The following JAKMIP2 variants were observed in gnomAD, a reference collection of about 807,000 sequenced individuals.
The protein encoded by JAKMIP2 is janus kinase and microtubule interacting protein 2.
In JAKMIP2, 25 loss-of-function variants were observed where a neutral mutation model predicts 115.0. That is an observed-to-expected ratio of 0.22 (90% CI 0.16 to 0.30). The LOEUF (loss-of-function observed/expected upper bound fraction) is 0.30. JAKMIP2 is among the 10% of genes least tolerant of loss of function. The pLI is 1.00. For synonymous variants in JAKMIP2, 334 were observed against 343.6 expected (o/e 0.97, Z 0.31); for missense variants, 642 against 957.6 (o/e 0.67, Z 4.35).
At chr5:147,627,470 A>G (rs1466352021) in intron 16 of JAKMIP2, among the ~76,000 whole-genome samples, 1 of 152,076 alleles carries the variant, frequency 6.6e-6, no homozygotes, top group Admixed American at 6.6e-5. Context: ...TAAGACTCAA[A>G]TCCCAGAGGG....
rs1375898938 is a variant in JAKMIP2, at chr5:147,587,380, C to A, written c.*4327G>T. The A allele has an allele frequency of 2.6e-5, 4 of 151,538 alleles. No homozygotes were observed. Among genetic ancestry groups the A allele is most frequent in the South Asian group, 2.1e-4 (1 of 4,796 alleles). 9.4% of individuals were successfully genotyped at this position (151,538 alleles called of 1,614,324 possible). ...ATTTCACAAAAGGCAACAAGCAATG[C>A]AACTCCCAAATTACAGAGCAAATTT... On this transcript the variant is annotated 3_prime_UTR_variant, in exon 22 of 22. Transcript: ENST00000616793.
chr5:147,765,813 C>T (rs1171127451), intron 1 of JAKMIP2, among the ~76,000 whole-genome samples: 6 of 152,006 alleles, frequency 3.9e-5, no homozygotes, highest in Admixed American at 2.0e-4. Context: ...TTTCTATGCA[C>T]ATACAAACAA....
intron 3 of JAKMIP2, among the ~76,000 whole-genome samples, chr5:147,656,904 C>G (rs897759538): frequency 2.6e-5 from 4 of 152,096 alleles, no homozygotes; most frequent in African/African-American, 9.7e-5. Context: ...ATTTGCTTGT[C>G]TGGAAAGGAT....
At chr5:147,601,640 AACAAAACAAAAAAC>A in intron 21 of JAKMIP2, 87 bp downstream of exon 21, 1 of 283,784 alleles carries the variant, frequency 3.5e-6, no homozygotes. Context: ...AACAAAACAA[AACAAAACAAAAAAC>A]TAAAGAAAGG....
At chr5:147,772,484 T>C (rs1021991853) in intron 1 of JAKMIP2, among the ~76,000 whole-genome samples, 2 of 150,682 alleles carry the variant, frequency 1.3e-5, no homozygotes, top group Non-Finnish European at 1.5e-5. Context: ...CCATCCAGAA[T>C]ACCCACAGTT....
intron 1 of JAKMIP2, among the ~76,000 whole-genome samples, chr5:147,725,004 AC>A (rs1753459609): frequency 6.6e-6 from 1 of 152,086 alleles, no homozygotes; most frequent in Non-Finnish European, 1.5e-5. Context: ...GGTCACAAAG[AC>A]CTTGCTGATA....
chr5:147,681,910 G>C (rs1029375506), intron 1 of JAKMIP2, among the ~76,000 whole-genome samples: 1 of 152,016 alleles, frequency 6.6e-6, no homozygotes, highest in African/African-American at 2.4e-5. Flanking sequence ...CGGCATAGTG[G>C]CAAATGCCTG....
chr5:147,636,826 G>A (rs1339356399), intron 11 of JAKMIP2, 139 bp downstream of exon 11: 1 of 763,054 alleles, frequency 1.3e-6, no homozygotes, highest in Non-Finnish European at 2.4e-6. Context: ...GTACAGAGTT[G>A]AACATTCTAA....
At chr5:147,597,267 T>C (rs1755445039) in intron 21 of JAKMIP2, among the ~76,000 whole-genome samples, 1 of 152,180 alleles carries the variant, frequency 6.6e-6, no homozygotes, top group Admixed American at 6.5e-5. Flanking sequence ...GAGTAAATAT[T>C]TGCACGTTTT....
At chr5:147,629,587 G>A in intron 15 of JAKMIP2, 106 bp downstream of exon 15, 1 of 739,826 alleles carries the variant, frequency 1.4e-6, no homozygotes, top group African/African-American at 1.7e-5. Flanking sequence ...ATCCTTAAGT[G>A]AAATGGCATC....
rs1278184847 is a variant in JAKMIP2, at chr5:147,587,589, T to G, written c.*4118A>C. 2 of 152,186 alleles carry G rather than the reference T, an allele frequency of 1.3e-5. No homozygotes were observed. The highest frequency in any genetic ancestry group is 2.9e-5 in the Non-Finnish European group (2 of 68,032). 9.4% of individuals were successfully genotyped at this position (152,186 alleles called of 1,614,324 possible). A position where few individuals can be genotyped will look rare whatever the true frequency, so the allele number is the denominator to read the frequency against. ...TAAACATCAACACAAAACCAATGAA[T>G]ATTCTTTTTACAGTTTCTACAAAAA... is the stretch of plus-strand genomic sequence containing the variant. On this transcript the variant is annotated 3_prime_UTR_variant, in exon 22 of 22. Coordinates refer to ENST00000616793, the MANE Select transcript of JAKMIP2 (RefSeq NM_001270941.2).
chr5:147,636,339 T>A, intron 11 of JAKMIP2, 55 bp from the exon 12 acceptor site: 1 of 1,471,582 alleles, frequency 6.8e-7, no homozygotes, highest in Non-Finnish European at 9.5e-7. Flanking sequence ...CGAAAGAGCC[T>A]GTGTTGTCAA....
intron 20 of JAKMIP2, among the ~76,000 whole-genome samples, chr5:147,608,637 G>T (rs1203908992): frequency 1.3e-5 from 2 of 152,158 alleles, no homozygotes; most frequent in Admixed American, 1.3e-4. Context: ...GTGCTGAGCA[G>T]AATGTATGTT....
intron 1 of JAKMIP2, among the ~76,000 whole-genome samples, chr5:147,707,262 G>A (rs1004728208): frequency 2.0e-5 from 3 of 151,912 alleles, no homozygotes; most frequent in Non-Finnish European, 4.4e-5. Flanking sequence ...TAGCATCCTC[G>A]CAATCTTCAC....
At chr5:147,603,105 A>G (rs1755798217) in intron 20 of JAKMIP2, among the ~76,000 whole-genome samples, 1 of 152,186 alleles carries the variant, frequency 6.6e-6, no homozygotes, top group African/African-American at 2.4e-5. Flanking sequence ...GGAGATGCCC[A>G]TCACTTAATC....
chr5:147,722,316 C>G (rs992780669), intron 1 of JAKMIP2, among the ~76,000 whole-genome samples: 1 of 152,134 alleles, frequency 6.6e-6, no homozygotes, highest in Non-Finnish European at 1.5e-5. Context: ...TCAGGTTTGT[C>G]TCTTGCTCTT....
chr5:147,741,846 A>G (rs1754150988), intron 1 of JAKMIP2, among the ~76,000 whole-genome samples: 1 of 152,116 alleles, frequency 6.6e-6, no homozygotes, highest in Admixed American at 6.6e-5. Flanking sequence ...ACTGCTGGAA[A>G]AAAACAGAAC....
chr5:147,694,582 C>T (rs1752020621), intron 1 of JAKMIP2, among the ~76,000 whole-genome samples: 1 of 152,204 alleles, frequency 6.6e-6, no homozygotes, highest in African/African-American at 2.4e-5. Flanking sequence ...CTCCCTCCCT[C>T]CTGGTGACTG....
At chr5:147,764,150 A>G (rs914879533) in intron 1 of JAKMIP2, among the ~76,000 whole-genome samples, 1 of 152,136 alleles carries the variant, frequency 6.6e-6, no homozygotes, top group Admixed American at 6.5e-5. Context: ...TACACAAAAC[A>G]CCTAGCATAG....
Sources: gnomAD v4.1 joint callset for allele counts (sites outside exome capture counted in the v4.1 genomes callset) on GRCh38, gnomAD v4.1.1 for gene constraint, MANE v1.5 for transcripts, NCBI Gene and HGNC (gene_info 2026-07-23, HGNC 2026-07-21) for gene names.